The following CFAP45 variants were observed in gnomAD, a reference collection of about 807,000 sequenced individuals.
CFAP45 encodes cilia and flagella associated protein 45.
A neutral mutation model predicts 75.6 loss-of-function variants in CFAP45; 43 were observed. The observed-to-expected ratio is 0.57, with a 90% CI of 0.45 to 0.73. CFAP45 has a LOEUF of 0.73. Among genes scored for constraint, CFAP45 ranks in the 30% least tolerant of loss-of-function variants. The pLI, the probability that CFAP45 is intolerant of heterozygous loss-of-function variation, is 0.00. For synonymous variants in CFAP45, 223 were observed against 244.6 expected (o/e 0.91, Z 0.82); for missense variants, 689 against 701.5 (o/e 0.98, Z 0.20).
chr1:159,893,078 C>A (rs1346037484), intron 2 of CFAP45, 102 bp downstream of exon 2: 10 of 1,345,524 alleles, frequency 7.4e-6, no homozygotes, highest in Non-Finnish European at 9.4e-6. Flanking sequence ...CTGAGAGTTA[C>A]CTACGAGAGC....
chr1:159,873,827 C>CTCCT lies in CFAP45; in HGVS notation c.1353-663_1353-660dup, dbSNP rs72383149. Among the ~76,000 whole-genome samples, 875 of 134,616 alleles carry CTCCT rather than the reference C, an allele frequency of 6.5e-3. 15 individuals are homozygous for CTCCT. Among genetic ancestry groups the CTCCT allele is most frequent in the East Asian group, 0.036 (156 of 4,330 alleles). 88.3% of individuals were successfully genotyped at this position (134,616 alleles called of 152,430 possible). A position where few individuals can be genotyped will look rare whatever the true frequency, so the allele number is the denominator to read the frequency against. On this transcript the variant is annotated intron_variant, in intron 10 of 11. Coordinates refer to ENST00000368099, the MANE Select transcript of CFAP45 (RefSeq NM_012337.3). ...TCTCCAGCTTATCCTGAGATTTCTTCTCCTTCCTTCCTTCCTTCCTTCCTT... is the reference window on the plus strand; with the variant it reads ...TCTCCAGCTTATCCTGAGATTTCTTCTCCTTCCTTCCTTCCTTCCTTCCTTCCTT...
chr1:159,882,240 C>T (rs1557912779), intron 7 of CFAP45, among the ~76,000 whole-genome samples: 1 of 151,982 alleles, frequency 6.6e-6, no homozygotes, highest in Non-Finnish European at 1.5e-5. Context: ...GCTCCTTTTC[C>T]CCCTTCTCCC....
At chr1:159,876,483 T>G in intron 10 of CFAP45, 73 bp downstream of exon 10, 5 of 1,120,982 alleles carry the variant, frequency 4.5e-6, no homozygotes, top group Non-Finnish European at 6.7e-6. Flanking sequence ...CCAGAAAGCT[T>G]CTCTCTATCC....
chr1:159,883,073 G>A lies in CFAP45; in HGVS notation c.897+1363C>T, dbSNP rs547654390. 1.2e-4 allele frequency among the ~76,000 whole-genome samples: 19 copies of A among 152,218 alleles called. 1 individual carries two copies. Among genetic ancestry groups the A allele is most frequent in the African/African-American group, 2.4e-4 (10 of 41,530 alleles). On this transcript the variant is annotated intron_variant, in intron 7 of 11. Coordinates refer to ENST00000368099, the MANE Select transcript of CFAP45 (RefSeq NM_012337.3). ...TCTGCCCACCTGCAGCACTCTTCACGTCCCCCTGTCACTCACCACCATCAA... is the reference window on the plus strand; with the variant it reads ...TCTGCCCACCTGCAGCACTCTTCACATCCCCCTGTCACTCACCACCATCAA...
intron 1 of CFAP45, chr1:159,899,870 C>T (rs1409954646): frequency 3.8e-6 from 2 of 526,294 alleles, no homozygotes; most frequent in African/African-American, 1.9e-5. Context: ...TCCCCAACTC[C>T]TCCGCTCAGC....
At position 159,872,517 on chromosome 1, in the gene CFAP45, C is replaced by T. The variant is rs1184698148; in HGVS notation, c.1624G>A (p.Ala542Thr). ...ACAGAGGTAGCTGGCAGGATGTTAG[C>T]TTTGCGCTCAGCTTCAATGCAGTAC... The part of the protein sequence containing the change: ...EKYCIEAERK[A>T]NILPATSVN The change falls in exon 12 of 12, where the codon GCT becomes ACT. Residue 542 changes from alanine to threonine, a missense_variant. Physicochemically the swap from Ala to Thr is moderately conservative, Grantham distance 58. Coordinates refer to ENST00000368099, the MANE Select transcript of CFAP45 (RefSeq NM_012337.3). 1 of 1,614,202 alleles carries T rather than the reference C, an allele frequency of 6.2e-7. No individual in the cohort carries two copies. The highest frequency in any genetic ancestry group is 1.3e-5 in the African/African-American group (1 of 75,064).
At position 159,882,961 on chromosome 1, in the gene CFAP45, T is replaced by C. The variant is rs531715088; in HGVS notation, c.897+1475A>G. On this transcript the variant is annotated intron_variant, in intron 7 of 11. Coordinates refer to ENST00000368099, the MANE Select transcript of CFAP45 (RefSeq NM_012337.3). ...TTCACAGAGCTGTGTGCCCCTTCAG[T>C]TTCCCAACTACCCAGGTGATCTTCA... Among the ~76,000 whole-genome samples the C allele has an allele frequency of 5.3e-5, 8 of 152,302 alleles. No homozygotes were observed. In the South Asian group the frequency reaches 1.7e-3, roughly 32 times the overall value.
rs192161202 is a variant in CFAP45, at chr1:159,886,379, C to T, written c.767+132G>A. The T allele has an allele frequency of 8.5e-6, 7 of 823,238 alleles. No homozygotes were observed. In the East Asian group the frequency reaches 1.2e-4, roughly 14 times the overall value. 51.0% of individuals were successfully genotyped at this position (823,238 alleles called of 1,614,324 possible). A position where few individuals can be genotyped will look rare whatever the true frequency, so the allele number is the denominator to read the frequency against. The stretch of plus-strand genomic sequence containing the variant: ...AGTTCTGTGATTCTATGTATCACTT[C>T]GTAAAGTTTTGAGATAATAAGTAGA... On this transcript the variant is annotated intron_variant, in intron 6 of 11. Transcript: ENST00000368099.
rs754324447 is a variant in CFAP45 at position 159,887,973 on chromosome 1, C to T, written c.456G>A (p.Lys152=). ...TCTTGTTGTTGTTCCACACCATCTC[C>T]TTCTGTTTCATGATCTTCTTTCGTG... ...VMTRKKIMKQ[K]EMVWNNNKKL... is the part of the protein sequence containing the mutation. Residue 152 remains lysine (K), a synonymous_variant, in exon 5 of 12, where the codon AAG becomes AAA. Transcript: ENST00000368099. The T allele has an allele frequency of 6.2e-7, 1 of 1,614,112 alleles. No individual in the cohort carries two copies. Among genetic ancestry groups the T allele is most frequent in the Non-Finnish European group, 8.5e-7 (1 of 1,180,046 alleles).
chr1:159,887,736 T>C, intron 5 of CFAP45, 105 bp downstream of exon 5: 21 of 604,334 alleles, frequency 3.5e-5, no homozygotes, highest in Non-Finnish European at 4.4e-5. Flanking sequence ...GCCCCACCCC[T>C]GCCCACACCC....
chr1:159,873,121 T>C lies in CFAP45; in HGVS notation c.1400A>G (p.Lys467Arg). 2 of 1,613,744 alleles carry C rather than the reference T, an allele frequency of 1.2e-6. No individual in the cohort carries two copies. The change falls in exon 11 of 12, where the codon AAG (lysine) becomes AGG (arginine). Residue 467 changes from lysine (K) to arginine (R), a missense_variant. Transcript: ENST00000368099. ...IEKERLEEEK[K>R]ATGRLQHANE... ...GGCATGCTGTAAGCGCCCTGTGGCC[T>C]TTTTCTCCTCCTCCAGCCGCTCCTT...
rs200224853 is a variant in CFAP45 at position 159,886,532 on chromosome 1, T to C, written c.746A>G (p.Lys249Arg). ...SIQRQEELERKRREERIRGRR... is the reference protein window; with the variant it reads ...SIQRQEELERRRREERIRGRR... ...TTACCTAATTCTTTCCTCCCTCCTCTTCCTCTCCAGTTCCTCCTGCCTTTG... is the reference window on the plus strand; with the variant it reads ...TTACCTAATTCTTTCCTCCCTCCTCCTCCTCTCCAGTTCCTCCTGCCTTTG... Residue 249 changes from lysine (K) to arginine (R), a missense_variant, in exon 6 of 12, where the codon AAG becomes AGG. Physicochemically the swap from Lys to Arg is conservative, Grantham distance 26. Coordinates refer to ENST00000368099, the MANE Select transcript of CFAP45 (RefSeq NM_012337.3). 21 of 1,614,156 alleles carry C rather than the reference T, an allele frequency of 1.3e-5. No homozygotes were observed. Among genetic ancestry groups the C allele is most frequent in the Non-Finnish European group, 1.7e-5 (20 of 1,179,996 alleles).
Position 159,899,710 on chromosome 1 carries a change from G to T in CFAP45, c.3+386C>A, listed in dbSNP as rs373566002. Among the ~76,000 whole-genome samples, 109 of 151,288 alleles carry T rather than the reference G, an allele frequency of 7.2e-4. 1 individual carries two copies. Among genetic ancestry groups the T allele is most frequent in the African/African-American group, 2.3e-3 (97 of 41,312 alleles). ...TCTCGATCTCCTGACCTCATGATCCGCCCGCCTCTGCCTCCCAAAGTGCTG... is the reference window on the plus strand; with the variant it reads ...TCTCGATCTCCTGACCTCATGATCCTCCCGCCTCTGCCTCCCAAAGTGCTG... On this transcript the variant is annotated intron_variant, in intron 1 of 11. Transcript: ENST00000368099.
chr1:159,891,702 CCT>C (rs1571188538), intron 2 of CFAP45, among the ~76,000 whole-genome samples: 1 of 152,324 alleles, frequency 6.6e-6, no homozygotes, highest in East Asian at 1.9e-4. Flanking sequence ...CCCACAGTCC[CCT>C]GTGTGCTGCT....
chr1:159,886,095 A>G (rs1372075567), intron 6 of CFAP45, among the ~76,000 whole-genome samples: 1 of 152,120 alleles, frequency 6.6e-6, no homozygotes, highest in Non-Finnish European at 1.5e-5. Context: ...TAATCCCAGC[A>G]CTTTGGGAGG....
At chr1:159,882,969 C>T (rs766164279) in intron 7 of CFAP45, among the ~76,000 whole-genome samples, 7 of 152,186 alleles carry the variant, frequency 4.6e-5, no homozygotes, top group Non-Finnish European at 8.8e-5. Context: ...AGTTTCCCAA[C>T]TACCCAGGTG....
chr1:159,893,612 G>A (rs1340619076), intron 1 of CFAP45, among the ~76,000 whole-genome samples: 1 of 152,258 alleles, frequency 6.6e-6, no homozygotes, highest in Admixed American at 6.5e-5. Flanking sequence ...AGAGAGGAAG[G>A]GGAGGGGCAT....
At chr1:159,889,942 G>A (rs1183383217) in intron 3 of CFAP45, among the ~76,000 whole-genome samples, 1 of 150,654 alleles carries the variant, frequency 6.6e-6, no homozygotes, top group Non-Finnish European at 1.5e-5. Flanking sequence ...AGTCCCACAG[G>A]ATGGGCTCAA....
rs1198512171 is a variant in CFAP45 at position 159,876,455 on chromosome 1, C to T, written c.1352+101G>A. The T allele has an allele frequency of 9.4e-6, 8 of 848,188 alleles. No homozygotes were observed. In the Admixed American group the frequency reaches 1.0e-4, roughly 11 times the overall value. The allele number at this position is 848,188 out of a possible 1,614,324, so 52.5% of individuals were successfully genotyped here. Reference sequence around the variant, plus strand: ...ATCCCACCAACCCAGACAAGATCGACGAGCATCTGTTAACATGCCAGAAAG... The same window carrying T: ...ATCCCACCAACCCAGACAAGATCGATGAGCATCTGTTAACATGCCAGAAAG... On this transcript the variant is annotated intron_variant, in intron 10 of 11. Transcript: ENST00000368099.
Sources: gnomAD v4.1 joint callset for allele counts (sites outside exome capture counted in the v4.1 genomes callset) on GRCh38, gnomAD v4.1.1 for gene constraint, MANE v1.5 for transcripts, NCBI Gene and HGNC (gene_info 2026-07-23, HGNC 2026-07-21) for gene names.